TMEM181: variants seen among roughly 807,000 people sequenced by gnomAD.
TMEM181 encodes G protein-coupled receptor 178.
A neutral mutation model predicts 71.9 loss-of-function variants in TMEM181; 39 were observed. The ratio of observed to expected loss-of-function variants is 0.54; its 90% CI spans 0.42 to 0.71. The LOEUF (loss-of-function observed/expected upper bound fraction) is 0.71. Among genes scored for constraint, TMEM181 ranks in the 30% least tolerant of loss-of-function variants. The probability of loss-of-function intolerance (pLI) is 0.00; values close to 1 mark genes in which losing one functional copy is unlikely to be tolerated. For synonymous variants in TMEM181, 245 were observed against 228.8 expected (o/e 1.07, Z -0.64); for missense variants, 595 against 583.0 (o/e 1.02, Z -0.21).
Position 158,608,351 on chromosome 6 carries a change from C to G in TMEM181, c.692C>G (p.Ser231Cys), listed in dbSNP as rs745756540. 6.2e-7 allele frequency: 1 copy of G among 1,614,258 alleles called. No homozygotes were observed. The highest frequency in any genetic ancestry group is 8.5e-7 in the Non-Finnish European group (1 of 1,180,046). Reference sequence around the variant, plus strand: ...GTTCCAGATCCGTTCTTCCCCCTCTCCTTCCTGGTCAACAGCTGGCTCCCA... The same window carrying G: ...GTTCCAGATCCGTTCTTCCCCCTCTGCTTCCTGGTCAACAGCTGGCTCCCA... ...LLYNDPFFPL[S>C]FLVNSWLPGM... The change falls in exon 9 of 17, where the codon TCC (serine) becomes TGC (cysteine). Residue 231 changes from serine to cysteine, a missense_variant. Ser to Cys is a moderately radical substitution (Grantham distance 112). Transcript: ENST00000684151.
At chr6:158,592,564 C>T (rs1784166451) in intron 6 of TMEM181, among the ~76,000 whole-genome samples, 1 of 152,030 alleles carries the variant, frequency 6.6e-6, no homozygotes, top group African/African-American at 2.4e-5. Context: ...CATCTGCCTC[C>T]CGGGTTCAGG....
intron 8 of TMEM181, among the ~76,000 whole-genome samples, chr6:158,607,655 G>A (rs1335986866): frequency 6.6e-6 from 1 of 152,190 alleles, no homozygotes; most frequent in Non-Finnish European, 1.5e-5. Flanking sequence ...GGATAACAGA[G>A]CAAGACCCTG....
intron 6 of TMEM181, among the ~76,000 whole-genome samples, chr6:158,590,744 G>A (rs1274872302): frequency 6.6e-6 from 1 of 152,262 alleles, no homozygotes; most frequent in Non-Finnish European, 1.5e-5. Context: ...TTGCAGGCGT[G>A]AGCCACCGCG....
rs549101995 is a variant in TMEM181 at position 158,549,888 on chromosome 6, T to G, written c.131+13023T>G. 4.6e-5 allele frequency among the ~76,000 whole-genome samples: 7 copies of G among 151,602 alleles called. No homozygotes were observed. In the South Asian group the frequency reaches 1.3e-3, roughly 27 times the overall value. On this transcript the variant is annotated intron_variant, in intron 1 of 16. Coordinates refer to the TMEM181 transcript ENST00000367090. Reference sequence around the variant, plus strand: ...AGTCTTTTGTGATAGTTTTTGTTACTAGGCATTTATGCGTAAGTGCATAAG... The same window carrying G: ...AGTCTTTTGTGATAGTTTTTGTTACGAGGCATTTATGCGTAAGTGCATAAG...
At chr6:158,610,757 C>T (rs1583030964) in intron 10 of TMEM181, 1 of 303,054 alleles carries the variant, frequency 3.3e-6, no homozygotes, top group Admixed American at 3.9e-5. Context: ...CTGCTCCTCC[C>T]AGCCTGTGCT....
Position 158,629,883 on chromosome 6 carries a change from C to T in TMEM181, c.1282+64C>T, listed in dbSNP as rs146915345. 7.0e-4 allele frequency: 947 copies of T among 1,343,692 alleles called. 6 individuals carry two copies. The African/African-American group carries it at 0.011, about 16-fold the overall frequency. 83.2% of individuals were successfully genotyped at this position (1,343,692 alleles called of 1,614,324 possible). A position where few individuals can be genotyped will look rare whatever the true frequency, so the allele number is the denominator to read the frequency against. ...GGGCACAGAGGCCTGTGTTCATCCA[C>T]GACCCACTTCCCGGGTTTCCCATTC... On this transcript the variant is annotated intron_variant, in intron 15 of 16. Transcript: ENST00000684151.
chr6:158,627,758 C>G (rs1006819237), intron 13 of TMEM181, among the ~76,000 whole-genome samples: 1 of 152,118 alleles, frequency 6.6e-6, no homozygotes, highest in Non-Finnish European at 1.5e-5. Context: ...GCTGGGAGAC[C>G]GCCAGAGGGT....
At chr6:158,564,765 T>G (rs1782390888) in intron 1 of TMEM181, among the ~76,000 whole-genome samples, 1 of 152,054 alleles carries the variant, frequency 6.6e-6, no homozygotes. Flanking sequence ...GGTCAGGAAG[T>G]GGGGAGCCAG....
At chr6:158,574,760 A>G (rs540850740) in intron 2 of TMEM181, among the ~76,000 whole-genome samples, 8 of 152,242 alleles carry the variant, frequency 5.3e-5, no homozygotes, top group African/African-American at 1.9e-4. Flanking sequence ...CTGCCTGTCT[A>G]TCCTGTCTGT....
At position 158,632,791 on chromosome 6, in the gene TMEM181, G is replaced by GGT. The variant is rs1786732718; in HGVS notation, c.*905_*906dup. On this transcript the variant is annotated 3_prime_UTR_variant, in exon 17 of 17. Coordinates refer to ENST00000684151, the MANE Select transcript of TMEM181 (RefSeq NM_001376852.1). ...TAAGTAAAAGCTAAATGAGGGGCCA[G>GGT]GTGCAGTGGCTCACATCTGTAATCT... is the stretch of plus-strand genomic sequence containing the variant. 6.6e-6 allele frequency: 1 copy of GGT among 152,300 alleles called. No homozygotes were observed. The highest frequency in any genetic ancestry group is 1.5e-5 in the Non-Finnish European group (1 of 68,082). The allele number at this position is 152,300 out of a possible 1,614,324, so 9.4% of individuals were successfully genotyped here.
At chr6:158,585,802 A>G (rs1202477235) in intron 5 of TMEM181, among the ~76,000 whole-genome samples, 1 of 152,168 alleles carries the variant, frequency 6.6e-6, no homozygotes, top group East Asian at 1.9e-4. Context: ...AACGTCTGCC[A>G]CAGGCTGTGG....
intron 10 of TMEM181, among the ~76,000 whole-genome samples, chr6:158,615,539 T>A (rs1462343224): frequency 1.3e-5 from 2 of 152,244 alleles, no homozygotes; most frequent in Non-Finnish European, 2.9e-5. Context: ...TTTTGGTGTT[T>A]TAGTCATGAA....
chr6:158,566,937 A>T (rs563145873), intron 1 of TMEM181, among the ~76,000 whole-genome samples: 1 of 152,308 alleles, frequency 6.6e-6, no homozygotes, highest in South Asian at 2.1e-4. Flanking sequence ...CATTTTGGGG[A>T]TAGGCATTCC....
At chr6:158,536,665 GAA>G in exon 1 of TMEM181, 1 of 1,509,566 alleles carries the variant, frequency 6.6e-7, no homozygotes, top group Non-Finnish European at 8.8e-7. Flanking sequence ...AGTGCTGGGA[GAA>G]GAGAGGGGGC....
At chr6:158,561,681 G>A (rs1355884684) in intron 1 of TMEM181, among the ~76,000 whole-genome samples, 1 of 152,202 alleles carries the variant, frequency 6.6e-6, no homozygotes, top group African/African-American at 2.4e-5. Context: ...GAAAGCAGTT[G>A]ACCAAGGAAA....
intron 1 of TMEM181, among the ~76,000 whole-genome samples, chr6:158,564,818 G>T (rs771165232): frequency 2.0e-5 from 3 of 152,206 alleles, no homozygotes; most frequent in Non-Finnish European, 2.9e-5. Context: ...AAGGAGAAGA[G>T]ATTATTTTTA....
At chr6:158,583,931 T>C in intron 3 of TMEM181, 23 bp from the exon 4 acceptor site, 2 of 1,571,258 alleles carry the variant, frequency 1.3e-6, no homozygotes, top group South Asian at 1.2e-5. Context: ...GTCACATGGA[T>C]TACTTTGTTT....
At chr6:158,554,756 T>C (rs144489419) in intron 1 of TMEM181, among the ~76,000 whole-genome samples, 2,784 of 152,286 alleles carry the variant, frequency 0.018, 37 homozygotes, top group Non-Finnish European at 0.028. Flanking sequence ...CCGAAACAAA[T>C]ATCCACACAC....
At position 158,583,988 on chromosome 6, in the gene TMEM181, C is replaced by G. The variant is rs749693886; in HGVS notation, c.203C>G (p.Ser68Cys). 2 of 1,611,542 alleles carry G rather than the reference C, an allele frequency of 1.2e-6. No individual in the cohort carries two copies. Among genetic ancestry groups the G allele is most frequent in the African/African-American group, 2.7e-5 (2 of 74,856 alleles). The change falls in exon 4 of 17, where the codon TCT (serine) becomes TGT (cysteine). Residue 68 changes from serine to cysteine, a missense_variant. Coordinates refer to ENST00000684151, the MANE Select transcript of TMEM181 (RefSeq NM_001376852.1). ...ATTCAAATACTTTCAAATCCACTGT[C>G]TACATACAATCAGCAACTATGGCTG... ...KPIQILSNPL[S>C]TYNQQLWLTC...
Sources: gnomAD v4.1 joint callset for allele counts (sites outside exome capture counted in the v4.1 genomes callset) on GRCh38, gnomAD v4.1.1 for gene constraint, MANE v1.5 for transcripts, NCBI Gene and HGNC (gene_info 2026-07-23, HGNC 2026-07-21) for gene names.